Variants in WNT2 observed in about 807,000 individuals in gnomAD.
The protein encoded by WNT2 is Wnt family member 2, also known as protein Wnt-2.
WNT2 carries 12 observed loss-of-function variants against 36.9 expected under a neutral mutation model. The ratio of observed to expected loss-of-function variants is 0.33; its 90% CI spans 0.21 to 0.53. The LOEUF is 0.53. Among genes scored for constraint, WNT2 ranks in the 20% least tolerant of loss-of-function variants. The pLI, the probability that WNT2 is intolerant of heterozygous loss-of-function variation, is 0.95. For missense variants in WNT2, 379 were observed against 473.1 expected (o/e 0.80, Z 1.84); for synonymous variants, 163 against 174.6 (o/e 0.93, Z 0.52).
chr7:117,286,128 A>G (rs1371268267), intron 4 of WNT2, among the ~76,000 whole-genome samples: 1 of 152,200 alleles, frequency 6.6e-6, no homozygotes, highest in African/African-American at 2.4e-5. Flanking sequence ...ATAAGATTAA[A>G]AAAAAGGACA....
chr7:117,318,163 A>T (rs544787172), intron 2 of WNT2, among the ~76,000 whole-genome samples: 2 of 152,236 alleles, frequency 1.3e-5, no homozygotes, highest in Non-Finnish European at 2.9e-5. Flanking sequence ...TGTTCTTCTT[A>T]TAAATGGTCT....
At chr7:117,281,382 C>A (rs2116324515) in intron 4 of WNT2, among the ~76,000 whole-genome samples, 1 of 152,150 alleles carries the variant, frequency 6.6e-6, no homozygotes, top group Admixed American at 6.5e-5. Flanking sequence ...GGACTACAGG[C>A]ACACACCACC....
chr7:117,289,329 A>G lies in WNT2; in HGVS notation c.853+8283T>C, dbSNP rs147343478. Among the ~76,000 whole-genome samples, 3 of 152,250 alleles carry G rather than the reference A, an allele frequency of 2.0e-5. No homozygotes were observed. In the East Asian group the frequency reaches 5.8e-4, roughly 29 times the overall value. ...TGCCTCGGCCTCCCAAAGTGCTAGT[A>G]TTACAGGCGTGAGCCACTGCGCCCG... is the stretch of plus-strand genomic sequence containing the variant. On this transcript the variant is annotated intron_variant, in intron 4 of 4. Transcript: ENST00000265441.
At chr7:117,279,958 C>T (rs968039750) in intron 4 of WNT2, among the ~76,000 whole-genome samples, 15 of 152,208 alleles carry the variant, frequency 9.9e-5, no homozygotes, top group African/African-American at 2.9e-4. Flanking sequence ...TTATCACAGT[C>T]CGCTCTGTGT....
At chr7:117,285,321 A>G (rs986547103) in intron 4 of WNT2, among the ~76,000 whole-genome samples, 1 of 152,254 alleles carries the variant, frequency 6.6e-6, no homozygotes. Flanking sequence ...GCCAGGATGC[A>G]TGTCTCCAAA....
At chr7:117,302,514 G>A (rs1322661489) in intron 3 of WNT2, among the ~76,000 whole-genome samples, 1 of 152,114 alleles carries the variant, frequency 6.6e-6, no homozygotes, top group Non-Finnish European at 1.5e-5. Context: ...GAGTGTTTTT[G>A]CAATACCTGC....
rs1267203492 is a variant in WNT2, at chr7:117,277,475, T to C, written c.*680A>G. 1 of 152,316 alleles carries C rather than the reference T, an allele frequency of 6.6e-6. No individual in the cohort carries two copies. The highest frequency in any genetic ancestry group is 2.4e-5 in the African/African-American group (1 of 41,456). The allele number at this position is 152,316 out of a possible 1,614,324, so 9.4% of individuals were successfully genotyped here. ...TCTGAGGCTTTTGCTCTTACAAAGA[T>C]ACAACACACCATAGTACCAAAGGAC... On this transcript the variant is annotated 3_prime_UTR_variant, in exon 5 of 5. Coordinates refer to ENST00000265441, the MANE Select transcript of WNT2 (RefSeq NM_003391.3).
intron 4 of WNT2, among the ~76,000 whole-genome samples, chr7:117,290,450 T>C (rs1794668466): frequency 6.6e-6 from 1 of 152,230 alleles, no homozygotes. Flanking sequence ...CTACTAATTC[T>C]AGAGTATAAT....
intron 2 of WNT2, among the ~76,000 whole-genome samples, chr7:117,319,427 G>A (rs563879969): frequency 1.3e-3 from 197 of 151,482 alleles, no homozygotes; most frequent in African/African-American, 4.7e-3. Context: ...TATGCATTTG[G>A]CCTCATAAAA....
intron 4 of WNT2, among the ~76,000 whole-genome samples, chr7:117,293,900 C>CT (rs1794739431): frequency 1.3e-5 from 2 of 152,170 alleles, no homozygotes; most frequent in South Asian, 4.2e-4. Context: ...TTTAAGGCCC[C>CT]TTCTTACAGG....
Position 117,297,792 on chromosome 7 carries a change from C to G in WNT2, c.673G>C (p.Ala225Pro), listed in dbSNP as rs778457945. 2.5e-6 allele frequency: 4 copies of G among 1,614,156 alleles called. No individual in the cohort carries two copies. The highest frequency in any genetic ancestry group is 3.4e-6 in the Non-Finnish European group (4 of 1,180,024). The change falls in exon 4 of 5, where the codon GCC (alanine) becomes CCC (proline). Residue 225 changes from alanine to proline, a missense_variant. By Grantham distance (27) the Ala-to-Pro change is conservative. Transcript: ENST00000265441. ...CTLRTCWLAM[A>P]DFRKTGDYLW... ...TAATCGCCCGTTTTCCTGAAGTCGG[C>G]CATGGCCAGCCAGCATGTCCTGAGA...
chr7:117,289,350 G>A (rs1001888344), intron 4 of WNT2, among the ~76,000 whole-genome samples: 4 of 152,104 alleles, frequency 2.6e-5, no homozygotes, highest in African/African-American at 7.2e-5. Context: ...GAGCCACTGC[G>A]CCCGGCCCAC....
intron 1 of WNT2, 113 bp from the exon 2 acceptor site, chr7:117,320,906 C>A: frequency 1.1e-6 from 1 of 913,872 alleles, no homozygotes; most frequent in Non-Finnish European, 1.7e-6. Context: ...AATTCCTTAT[C>A]CTTCTGGTGA....
At chr7:117,314,727 T>C (rs1001601460) in intron 3 of WNT2, among the ~76,000 whole-genome samples, 2 of 152,164 alleles carry the variant, frequency 1.3e-5, no homozygotes, top group Admixed American at 6.5e-5. Context: ...AAGCATTCAG[T>C]GTAACATTGC....
chr7:117,297,409 A>G (rs528006479), intron 4 of WNT2, among the ~76,000 whole-genome samples: 25 of 152,062 alleles, frequency 1.6e-4, no homozygotes, highest in Non-Finnish European at 3.5e-4. Flanking sequence ...AGCTCAAGCA[A>G]TCTGCCCATT....
chr7:117,307,252 T>G (rs1178708025), intron 3 of WNT2, among the ~76,000 whole-genome samples: 1 of 152,222 alleles, frequency 6.6e-6, no homozygotes, highest in Non-Finnish European at 1.5e-5. Context: ...TTTAATTTCT[T>G]ACCATATATC....
chr7:117,283,484 G>T (rs542047962), intron 4 of WNT2, among the ~76,000 whole-genome samples: 124 of 152,322 alleles, frequency 8.1e-4, no homozygotes, highest in African/African-American at 2.8e-3. Context: ...GACTCAGACT[G>T]TTGGCCTTTC....
chr7:117,282,182 A>T (rs1366536348), intron 4 of WNT2, among the ~76,000 whole-genome samples: 1 of 152,210 alleles, frequency 6.6e-6, no homozygotes, highest in African/African-American at 2.4e-5. Context: ...AGAGAAAAAG[A>T]GCATGAGACA....
At chr7:117,291,160 T>C (rs754840673) in intron 4 of WNT2, among the ~76,000 whole-genome samples, 15 of 152,194 alleles carry the variant, frequency 9.9e-5, no homozygotes, top group Non-Finnish European at 2.9e-5. Context: ...ATATGATTTA[T>C]GTGGGGGAAA....
Sources: gnomAD v4.1 joint callset for allele counts (sites outside exome capture counted in the v4.1 genomes callset) on GRCh38, gnomAD v4.1.1 for gene constraint, MANE v1.5 for transcripts, NCBI Gene and HGNC (gene_info 2026-07-23, HGNC 2026-07-21) for gene names.